Variants in GAS7 observed in about 807,000 individuals in gnomAD.
GAS7 encodes growth arrest specific 7, also known as growth arrest-specific protein 7.
Under a neutral mutation model 71.1 loss-of-function variants are expected in GAS7, and 28 were observed. The observed-to-expected ratio is 0.39, with a 90% confidence interval of 0.29 to 0.54. The LOEUF (loss-of-function observed/expected upper bound fraction) is 0.54. Among genes scored for constraint, GAS7 ranks in the 20% least tolerant of loss-of-function variants. GAS7 has a pLI of 0.62. For missense variants in GAS7, 436 were observed against 627.8 expected (o/e 0.69, Z 3.27); for synonymous variants, 258 against 245.8 (o/e 1.05, Z -0.46).
intron 1 of GAS7, among the ~76,000 whole-genome samples, chr17:10,076,598 G>C (rs1368382337): frequency 6.6e-6 from 1 of 152,060 alleles, no homozygotes; most frequent in Admixed American, 6.6e-5. Flanking sequence ...GAACTAATAA[G>C]ACAGTTCAAG....
chr17:10,128,631 CTTT>C (rs113967374), intron 1 of GAS7, among the ~76,000 whole-genome samples: 4 of 142,020 alleles, frequency 2.8e-5, no homozygotes, highest in Non-Finnish European at 4.6e-5. Flanking sequence ...TTTCTTTTCT[CTTT>C]TTTTTTTTTT....
chr17:10,089,022 A>C (rs898865677), intron 1 of GAS7, among the ~76,000 whole-genome samples: 9 of 152,008 alleles, frequency 5.9e-5, no homozygotes, highest in Admixed American at 3.3e-4. Flanking sequence ...TGAGCCAGGC[A>C]TGGTGGCAGG....
rs747800056 is a variant in GAS7, at chr17:9,914,666, G to A, written c.*2562C>T. On this transcript the variant is annotated 3_prime_UTR_variant, in exon 14 of 14. Transcript: ENST00000432992. ...ATCCAACAGGTAAATGCCTCACGAC[G>A]GTGGTTTATATTATAATAAAGAATC... 13 of 217,446 alleles carry A rather than the reference G, an allele frequency of 6.0e-5. No homozygotes were observed. The highest frequency in any genetic ancestry group is 1.9e-4 in the South Asian group (1 of 5,380). 13.5% of individuals were successfully genotyped at this position (217,446 alleles called of 1,614,324 possible).
chr17:10,086,437 G>A (rs148365437), intron 1 of GAS7, among the ~76,000 whole-genome samples: 151 of 152,236 alleles, frequency 9.9e-4, no homozygotes, highest in African/African-American at 3.1e-3. Flanking sequence ...ATTTTCACCC[G>A]GCATTCCCGA....
Position 10,085,454 on chromosome 17 carries a change from C to T in GAS7, c.184-65557G>A, listed in dbSNP as rs371066055. 2.5e-4 allele frequency among the ~76,000 whole-genome samples: 38 copies of T among 152,188 alleles called. 1 individual carries two copies. Among genetic ancestry groups the T allele is most frequent in the East Asian group, 1.4e-3 (7 of 5,174 alleles). On this transcript the variant is annotated intron_variant, in intron 1 of 13. Coordinates refer to ENST00000432992, the MANE Select transcript of GAS7 (RefSeq NM_201433.2). Reference sequence around the variant, plus strand: ...ATCCCAGCACTTTGGGAGGCCGAGGCGGGCGGATCACGAGGTCAGGAGACT... The same window carrying T: ...ATCCCAGCACTTTGGGAGGCCGAGGTGGGCGGATCACGAGGTCAGGAGACT...
intron 11 of GAS7, among the ~76,000 whole-genome samples, chr17:9,921,821 T>C (rs561506076): frequency 9.2e-5 from 14 of 151,930 alleles, no homozygotes; most frequent in Non-Finnish European, 2.1e-4. Flanking sequence ...TAGCCAGGCG[T>C]GGTGGCAGGC....
At chr17:10,181,186 C>T (rs1024741306) in intron 1 of GAS7, among the ~76,000 whole-genome samples, 1 of 148,678 alleles carries the variant, frequency 6.7e-6, no homozygotes, top group East Asian at 1.9e-4. Context: ...ACAGTGAAAC[C>T]CTGTCTCTAC....
At chr17:10,045,958 G>C (rs532553511) in intron 1 of GAS7, among the ~76,000 whole-genome samples, 3 of 152,204 alleles carry the variant, frequency 2.0e-5, no homozygotes, top group African/African-American at 7.2e-5. Flanking sequence ...TCACAGATTT[G>C]ATTTGGTTTC....
intron 1 of GAS7, among the ~76,000 whole-genome samples, chr17:10,041,969 T>C (rs1166485517): frequency 6.6e-6 from 1 of 152,192 alleles, no homozygotes; most frequent in Non-Finnish European, 1.5e-5. Context: ...TGTAGGCCCT[T>C]GTCCTCTGTA....
chr17:10,049,215 C>G (rs949877264), intron 1 of GAS7, among the ~76,000 whole-genome samples: 1 of 152,220 alleles, frequency 6.6e-6, no homozygotes, highest in African/African-American at 2.4e-5. Context: ...CCATTTTCTT[C>G]GCCGTGGAAC....
At chr17:9,918,793 A>G (rs2067684420) in intron 12 of GAS7, among the ~76,000 whole-genome samples, 3 of 152,062 alleles carry the variant, frequency 2.0e-5, no homozygotes, top group African/African-American at 7.2e-5. Context: ...AATCTAGGGG[A>G]TCCGGCTGTT....
chr17:9,965,137 C>T (rs1026300020), intron 4 of GAS7, among the ~76,000 whole-genome samples: 8 of 152,124 alleles, frequency 5.3e-5, no homozygotes, highest in African/African-American at 1.9e-4. Flanking sequence ...TGATCTAGAA[C>T]CGGAAATACC....
chr17:9,917,382 G>A (rs375863496), intron 13 of GAS7, 41 bp from the exon 14 acceptor site: 35 of 1,352,818 alleles, frequency 2.6e-5, no homozygotes, highest in East Asian at 6.9e-5. Flanking sequence ...TAGAGACGGC[G>A]GCCAAGCCAG....
intron 11 of GAS7, among the ~76,000 whole-genome samples, chr17:9,921,122 G>A (rs1052972246): frequency 1.3e-4 from 20 of 151,812 alleles, no homozygotes; most frequent in African/African-American, 4.8e-4. Context: ...CCGGAGAGAA[G>A]AAAGTGGATG....
intron 1 of GAS7, among the ~76,000 whole-genome samples, chr17:10,186,202 C>G (rs1378733116): frequency 6.6e-6 from 1 of 151,810 alleles, no homozygotes; most frequent in East Asian, 1.9e-4. Flanking sequence ...TGTGATCCGC[C>G]TGCCTCGGCC....
intron 9 of GAS7, among the ~76,000 whole-genome samples, chr17:9,929,931 T>C (rs1315148944): frequency 6.6e-6 from 1 of 152,216 alleles, no homozygotes; most frequent in African/African-American, 2.4e-5. Flanking sequence ...CGGCCTGTCA[T>C]GGCCCATCAG....
chr17:10,029,851 C>CA (rs1057095980), intron 1 of GAS7, among the ~76,000 whole-genome samples: 28 of 136,684 alleles, frequency 2.0e-4, no homozygotes, highest in Middle Eastern at 3.7e-3. Flanking sequence ...GACTCCGTCT[C>CA]AAAAAAAAAA....
intron 5 of GAS7, among the ~76,000 whole-genome samples, chr17:9,953,795 AGCC>A (rs142909166): frequency 5.9e-4 from 90 of 152,356 alleles, no homozygotes; most frequent in African/African-American, 2.1e-3. Context: ...CTTGCCAGAC[AGCC>A]TGTTCTACAA....
At chr17:10,115,038 G>GT (rs1567597884) in intron 1 of GAS7, among the ~76,000 whole-genome samples, 3 of 151,344 alleles carry the variant, frequency 2.0e-5, no homozygotes, top group African/African-American at 4.8e-5. Flanking sequence ...TGTCTGTCTG[G>GT]CTGGCTGGCT....
Sources: gnomAD v4.1 joint callset for allele counts (sites outside exome capture counted in the v4.1 genomes callset) on GRCh38, gnomAD v4.1.1 for gene constraint, MANE v1.5 for transcripts, NCBI Gene and HGNC (gene_info 2026-07-23, HGNC 2026-07-21) for gene names.